Variants in ZBTB7A observed in about 807,000 individuals in gnomAD.
ZBTB7A encodes the protein zinc finger and BTB domain-containing protein 7A.
ZBTB7A carries 7 observed loss-of-function variants against 26.7 expected under a neutral mutation model. The ratio of observed to expected loss-of-function variants is 0.26; its 90% CI spans 0.15 to 0.49. The LOEUF is 0.49. Among genes scored for constraint, ZBTB7A ranks in the 20% least tolerant of loss-of-function variants. The pLI is 0.98. For missense variants in ZBTB7A, 617 were observed against 919.5 expected (o/e 0.67, Z 4.25); for synonymous variants, 452 against 441.0 (o/e 1.02, Z -0.31).
rs938524597 is a variant in ZBTB7A, at chr19:4,066,734, G to C, written c.-68C>G. On this transcript the variant is annotated 5_prime_UTR_variant, in exon 1 of 3. Coordinates refer to ENST00000322357, the MANE Select transcript of ZBTB7A (RefSeq NM_015898.4). The stretch of plus-strand genomic sequence containing the variant: ...GGCCGGGGCCCGAAGTTGGGACTGG[G>C]CTCCCTCGGCCGCTCGCCTCCGGGG... 5 of 151,426 alleles carry C rather than the reference G, an allele frequency of 3.3e-5. No individual in the cohort carries two copies. The highest frequency in any genetic ancestry group is 5.9e-5 in the Non-Finnish European group (4 of 67,650). The allele number at this position is 151,426 out of a possible 1,614,324, so 9.4% of individuals were successfully genotyped here. A position where few individuals can be genotyped will look rare whatever the true frequency, so the allele number is the denominator to read the frequency against.
In ZBTB7A at chr19:4,048,031, G is replaced by T; in HGVS notation, c.1476C>A (p.Gly492=). ...HRHLKKDGCN[G]VPSRRGRKPR... is the part of the protein sequence containing the mutation. ...GCTTGCGGCCGCGGCGCGAGGGGAC[G>T]CCGTTGCAGCCGTCTTTCTTGAGGT... Residue 492 remains glycine (G), a synonymous_variant, in exon 3 of 3, where the codon GGC becomes GGA. Transcript: ENST00000322357. The surrounding 1 kb of genome is among the most constrained non-coding windows in gnomAD (Gnocchi z 6.7). 5.3e-6 allele frequency: 8 copies of T among 1,517,788 alleles called. No individual in the cohort carries two copies. The highest frequency in any genetic ancestry group is 4.9e-5 in the South Asian group (4 of 81,468). 94.0% of individuals were successfully genotyped at this position (1,517,788 alleles called of 1,614,324 possible). A position where few individuals can be genotyped will look rare whatever the true frequency, so the allele number is the denominator to read the frequency against.
chr19:4,065,203 T>C (rs116633536), intron 1 of ZBTB7A, among the ~76,000 whole-genome samples: 13,292 of 150,904 alleles, frequency 0.088, 1,938 homozygotes, highest in African/African-American at 0.3. Flanking sequence ...TCACGCGCTT[T>C]GGGGGCGCGG....
intron 1 of ZBTB7A, among the ~76,000 whole-genome samples, chr19:4,059,995 G>A (rs913209083): frequency 4.6e-5 from 7 of 151,238 alleles, no homozygotes; most frequent in African/African-American, 1.7e-4. Context: ...CCCCACGCCA[G>A]CCAGGTCCCC....
chr19:4,058,210 C>T (rs1254701102), intron 1 of ZBTB7A, among the ~76,000 whole-genome samples: 2 of 152,218 alleles, frequency 1.3e-5, no homozygotes, highest in African/African-American at 2.4e-5. Context: ...GACCGGGCTA[C>T]AGCCCAGGAG....
chr19:4,047,874 C>T lies in ZBTB7A; in HGVS notation c.1633G>A (p.Glu545Lys). 1 of 1,598,496 alleles carries T rather than the reference C, an allele frequency of 6.3e-7. No individual in the cohort carries two copies. The highest frequency in any genetic ancestry group is 1.7e-5 in the Admixed American group (1 of 58,414). ...AAGCCGTCGGGGCTGGCCACGTCCT[C>T]GTCCTCGTCCTCGTCCTTAAAGTGC... ...EKHFKDEDED[E>K]DVASPDGLGR... is the part of the protein sequence containing the mutation. Residue 545 changes from glutamate to lysine, a missense_variant, in exon 3 of 3, where the codon GAG becomes AAG. Physicochemically the swap from Glu to Lys is moderately conservative, Grantham distance 56. Coordinates refer to ENST00000322357, the MANE Select transcript of ZBTB7A (RefSeq NM_015898.4).
At chr19:4,060,014 C>T (rs1298887603) in intron 1 of ZBTB7A, among the ~76,000 whole-genome samples, 1 of 151,974 alleles carries the variant, frequency 6.6e-6, no homozygotes, top group Admixed American at 6.5e-5. Context: ...CCACCCCTGC[C>T]GGCCAGGGTC....
chr19:4,053,825 G>C, intron 2 of ZBTB7A, 146 bp downstream of exon 2: 1 of 891,164 alleles, frequency 1.1e-6, no homozygotes, highest in Non-Finnish European at 1.7e-6. Context: ...GTGTCTGTGC[G>C]TGTACGTGTC....
chr19:4,047,626 T>C lies in ZBTB7A; in HGVS notation c.*126A>G, dbSNP rs905541452. The C allele has an allele frequency of 1.2e-6, 1 of 818,946 alleles. No homozygotes were observed. The highest frequency in any genetic ancestry group is 1.8e-6 in the Non-Finnish European group (1 of 557,588). 50.7% of individuals were successfully genotyped at this position (818,946 alleles called of 1,614,324 possible). A position where few individuals can be genotyped will look rare whatever the true frequency, so the allele number is the denominator to read the frequency against. On this transcript the variant is annotated 3_prime_UTR_variant, in exon 3 of 3. Coordinates refer to ENST00000322357, the MANE Select transcript of ZBTB7A (RefSeq NM_015898.4). ...ATATATATATATCTGTATATATATA[T>C]ATAGATATAGATATCTGTATATAGA...
In ZBTB7A at chr19:4,053,895, G is replaced by A. The variant is rs1419395818; in HGVS notation, c.1262+76C>T. The A allele has an allele frequency of 3.3e-6, 5 of 1,499,390 alleles. No individual in the cohort carries two copies. The East Asian group carries it at 1.1e-4, about 34-fold the overall frequency. 92.9% of individuals were successfully genotyped at this position (1,499,390 alleles called of 1,614,324 possible). On this transcript the variant is annotated intron_variant, in intron 2 of 2. Transcript: ENST00000322357. The stretch of plus-strand genomic sequence containing the variant: ...CATGTGTGCGTGCGGTGCAGGGAGA[G>A]AGGCGGGAGGGGTCGTGAGCGGCGG...
chr19:4,059,812 C>A (rs1382942364), intron 1 of ZBTB7A, among the ~76,000 whole-genome samples: 1 of 152,156 alleles, frequency 6.6e-6, no homozygotes, highest in Non-Finnish European at 1.5e-5. Context: ...GGCCGAAGAC[C>A]CTGCCTCCGA....
chr19:4,056,997 A>G (rs2040586186), intron 1 of ZBTB7A, among the ~76,000 whole-genome samples: 1 of 146,842 alleles, frequency 6.8e-6, no homozygotes, highest in African/African-American at 2.5e-5. Flanking sequence ...ACCGTACTCC[A>G]GCCTGGGCAA....
chr19:4,054,401 C>G lies in ZBTB7A; in HGVS notation c.832G>C (p.Glu278Gln). 7.2e-7 allele frequency: 1 copy of G among 1,397,638 alleles called. No homozygotes were observed. Among genetic ancestry groups the G allele is most frequent in the Non-Finnish European group, 9.2e-7 (1 of 1,088,292 alleles). The allele number at this position is 1,397,638 out of a possible 1,614,324, so 86.6% of individuals were successfully genotyped here. ...QNGHYGRGGE[E>Q]EAASLSEAAP... ...GCCTCCGACAGCGAGGCGGCCTCCT[C>G]CTCTCCGCCGCGGCCGTAGTGGCCG... Residue 278 changes from glutamate to glutamine, a missense_variant, in exon 2 of 3, where the codon GAG (glutamate) becomes CAG (glutamine). Glu to Gln is a conservative substitution (Grantham distance 29). Around this residue, in one of 5 missense-constraint regions of ZBTB7A, gnomAD observed 331 missense variants for 391.3 expected, o/e 0.85. Coordinates refer to ENST00000322357, the MANE Select transcript of ZBTB7A (RefSeq NM_015898.4).
chr19:4,057,262 C>T (rs530519847), intron 1 of ZBTB7A, among the ~76,000 whole-genome samples: 9 of 151,798 alleles, frequency 5.9e-5, no homozygotes, highest in Non-Finnish European at 7.4e-5. Flanking sequence ...GCAGGAGAAT[C>T]GCTTGAACCC....
rs2040700239 is a variant in ZBTB7A at position 4,066,850 on chromosome 19, G to C, written c.-184C>G. The stretch of plus-strand genomic sequence containing the variant: ...TCACTGCCCCTACAGTAACTGTACA[G>C]TACAGCCAAAGCCCCGTATGATGCT... On this transcript the variant is annotated 5_prime_UTR_variant, in exon 1 of 3. Transcript: ENST00000322357. The C allele has an allele frequency of 6.6e-6, 1 of 152,008 alleles. No individual in the cohort carries two copies. The highest frequency in any genetic ancestry group is 6.6e-5 in the Admixed American group (1 of 15,242). The allele number at this position is 152,008 out of a possible 1,614,324, so 9.4% of individuals were successfully genotyped here. A position where few individuals can be genotyped will look rare whatever the true frequency, so the allele number is the denominator to read the frequency against.
At position 4,054,249 on chromosome 19, in the gene ZBTB7A, G is replaced by A; in HGVS notation, c.984C>T (p.Gly328=). Residue 328 remains glycine (G), a synonymous_variant, in exon 2 of 3, where the codon GGC becomes GGT. Coordinates refer to ENST00000322357, the MANE Select transcript of ZBTB7A (RefSeq NM_015898.4). ...TLLQQMMSSV[G]RAGAAAGDSD... ...TGTCCCCCGCCGCGGCCCCCGCCCG[G>A]CCCACCGATGACATCATCTGCTGCA... 6.3e-7 allele frequency: 1 copy of A among 1,576,394 alleles called. No individual in the cohort carries two copies. Among genetic ancestry groups the A allele is most frequent in the Non-Finnish European group, 8.6e-7 (1 of 1,168,294 alleles).
At position 4,051,677 on chromosome 19, in the gene ZBTB7A, G is replaced by A. The variant is rs1158269003; in HGVS notation, c.1262+2294C>T. Among the ~76,000 whole-genome samples, 7 of 152,234 alleles carry A rather than the reference G, an allele frequency of 4.6e-5. No homozygotes were observed. The East Asian group carries it at 1.3e-3, about 29-fold the overall frequency. ...TGGTTTACTGATCACCTTCTGCAAA[G>A]CCCACGGCAAGGTCTCCGGGCTGCC... On this transcript the variant is annotated intron_variant, in intron 2 of 2. Transcript: ENST00000322357.
In ZBTB7A at chr19:4,054,238, GC is replaced by G; in HGVS notation, c.994del (p.Ala332ProfsTer22). On this transcript the variant is annotated frameshift_variant, in exon 2 of 3. Transcript: ENST00000322357. LOFTEE classifies it high-confidence loss of function. ...QMMSSVGRAG[A>X]AAGDSDEESR... ...CTCCTCGTCGCTGTCCCCCGCCGCG[GC>G]CCCCGCCCGGCCCACCGATGACATC... is the stretch of plus-strand genomic sequence containing the variant. The G allele has an allele frequency of 1.3e-6, 2 of 1,579,660 alleles. No homozygotes were observed. Among genetic ancestry groups the G allele is most frequent in the Non-Finnish European group, 1.7e-6 (2 of 1,169,848 alleles).
chr19:4,059,711 C>T (rs944744726), intron 1 of ZBTB7A, among the ~76,000 whole-genome samples: 4 of 152,254 alleles, frequency 2.6e-5, no homozygotes, highest in Middle Eastern at 3.4e-3. Context: ...AACTGACCCA[C>T]GCCCTCACTC....
At chr19:4,060,184 T>A (rs1000995791) in intron 1 of ZBTB7A, among the ~76,000 whole-genome samples, 15 of 151,158 alleles carry the variant, frequency 9.9e-5, no homozygotes, top group African/African-American at 3.6e-4. Flanking sequence ...GGCGCCCTCC[T>A]CCCCCCGGGC....
Sources: allele counts gnomAD v4.1 joint callset (sites outside exome capture counted in the v4.1 genomes callset), GRCh38; gene constraint gnomAD v4.1.1; regional missense constraint gnomAD v4.1.1; non-coding constraint Gnocchi (gnomAD v3.1); transcripts MANE v1.5; gene names NCBI Gene and HGNC (gene_info 2026-07-23, HGNC 2026-07-21).